Variants in CTNNA2 observed in about 807,000 individuals in gnomAD.
CTNNA2 encodes the protein catenin alpha-2.
Under a neutral mutation model 101.0 loss-of-function variants are expected in CTNNA2, and 42 were observed. That is an observed-to-expected ratio of 0.42 (90% CI 0.32 to 0.54). CTNNA2 has a LOEUF of 0.54. Ranked by LOEUF, CTNNA2 falls within the 20% of genes least tolerant of loss-of-function variation. CTNNA2 has a pLI of 0.14. For missense variants in CTNNA2, 871 were observed against 1,223.1 expected (o/e 0.71, Z 4.29); for synonymous variants, 450 against 456.4 (o/e 0.99, Z 0.18).
At chr2:79,789,453 G>A (rs576109223) in intron 3 of CTNNA2, among the ~76,000 whole-genome samples, 7 of 152,178 alleles carry the variant, frequency 4.6e-5, no homozygotes, top group African/African-American at 1.7e-4. Flanking sequence ...TATTTTGTAT[G>A]ATATGGCTTA....
chr2:79,914,229 A>T (rs1686027129), intron 7 of CTNNA2, among the ~76,000 whole-genome samples: 1 of 151,866 alleles, frequency 6.6e-6, no homozygotes, highest in Non-Finnish European at 1.5e-5. Context: ...ACTCTGCTAG[A>T]CAGATTGCAT....
At chr2:79,703,091 A>G (rs1029258765) in intron 2 of CTNNA2, among the ~76,000 whole-genome samples, 1 of 152,246 alleles carries the variant, frequency 6.6e-6, no homozygotes, top group African/African-American at 2.4e-5. Flanking sequence ...TCTGAAACAC[A>G]GAAGAGAAAT....
At chr2:79,885,480 A>G (rs1243828593) in intron 6 of CTNNA2, among the ~76,000 whole-genome samples, 1 of 152,220 alleles carries the variant, frequency 6.6e-6, no homozygotes, top group Non-Finnish European at 1.5e-5. Flanking sequence ...ACATCAGGGA[A>G]GGATAAGTGT....
chr2:79,281,164 G>A (rs1675370033), intron 2 of CTNNA2, among the ~76,000 whole-genome samples: 1 of 152,048 alleles, frequency 6.6e-6, no homozygotes, highest in Non-Finnish European at 1.5e-5. Flanking sequence ...ATGATCATAG[G>A]CAGTCTTGGT....
chr2:80,648,677 CG>C lies in CTNNA2; in HGVS notation c.*806del, dbSNP rs1558680628. ...ATATTAGAGGGAAGGAAACTGACAA[CG>C]TGTGAAAGTTAGAGGCAAATACATA... On this transcript the variant is annotated 3_prime_UTR_variant, in exon 19 of 19. Coordinates refer to ENST00000402739, the MANE Select transcript of CTNNA2 (RefSeq NM_001282597.3). The C allele has an allele frequency of 2.0e-5, 3 of 151,962 alleles. No homozygotes were observed. The highest frequency in any genetic ancestry group is 4.4e-5 in the Non-Finnish European group (3 of 67,978). 9.4% of individuals were successfully genotyped at this position (151,962 alleles called of 1,614,324 possible).
chr2:80,590,792 C>A (rs777341815), intron 15 of CTNNA2, among the ~76,000 whole-genome samples: 8 of 152,002 alleles, frequency 5.3e-5, no homozygotes, highest in Non-Finnish European at 1.0e-4. Context: ...ATTAGAAGTT[C>A]ATATTTGTAC....
intron 7 of CTNNA2, among the ~76,000 whole-genome samples, chr2:80,012,863 C>G (rs1438779759): frequency 1.3e-5 from 2 of 152,156 alleles, no homozygotes; most frequent in African/African-American, 4.8e-5. Context: ...CCATGCTCTT[C>G]TAAAATTTAA....
chr2:79,264,393 T>C (rs1447360095), intron 2 of CTNNA2, among the ~76,000 whole-genome samples: 1 of 147,938 alleles, frequency 6.8e-6, no homozygotes, highest in Non-Finnish European at 1.5e-5. Context: ...GTTTTAAGGG[T>C]ATTATTGTTT....
intron 7 of CTNNA2, among the ~76,000 whole-genome samples, chr2:80,207,513 A>G (rs1428534990): frequency 6.6e-6 from 1 of 152,186 alleles, no homozygotes; most frequent in Admixed American, 6.6e-5. Flanking sequence ...GAGTGTCTGA[A>G]CTAGGGCTTA....
chr2:80,596,325 T>TTTTTTTTTG (rs1696971584), intron 15 of CTNNA2, among the ~76,000 whole-genome samples: 1 of 109,346 alleles, frequency 9.1e-6, no homozygotes, highest in South Asian at 3.2e-4. Context: ...TTTTTTTTTT[T>TTTTTTTTTG]TTGAGACGGA....
intron 1 of CTNNA2, among the ~76,000 whole-genome samples, chr2:79,647,746 A>C (rs1680922390): frequency 6.6e-6 from 1 of 152,206 alleles, no homozygotes. Flanking sequence ...GTTAATGGCA[A>C]AATCTCAGTG....
intron 11 of CTNNA2, among the ~76,000 whole-genome samples, chr2:80,548,279 C>T (rs573431113): frequency 6.6e-6 from 1 of 152,254 alleles, no homozygotes; most frequent in African/African-American, 2.4e-5. Flanking sequence ...TTCTGCATCC[C>T]CTTCTACCTT....
intron 2 of CTNNA2, among the ~76,000 whole-genome samples, chr2:79,227,678 T>C (rs1674437610): frequency 6.6e-6 from 1 of 152,182 alleles, no homozygotes; most frequent in South Asian, 2.1e-4. Flanking sequence ...TCTAAAATAA[T>C]ACATATTTTA....
At chr2:79,343,092 T>C (rs76063800) in intron 3 of CTNNA2, among the ~76,000 whole-genome samples, 15,510 of 152,244 alleles carry the variant, frequency 0.1, 1,065 homozygotes, top group East Asian at 0.38. Context: ...TACAAGGTTA[T>C]TCATTATAGA....
chr2:80,015,623 C>T (rs1006382293), intron 7 of CTNNA2, among the ~76,000 whole-genome samples: 7 of 152,156 alleles, frequency 4.6e-5, no homozygotes, highest in Middle Eastern at 3.2e-3. Flanking sequence ...TAGCTCTCCC[C>T]CTCCACCGGC....
At chr2:80,604,338 A>G (rs1421147286) in intron 16 of CTNNA2, among the ~76,000 whole-genome samples, 159 bp downstream of exon 16, 1 of 151,974 alleles carries the variant, frequency 6.6e-6, no homozygotes, top group Non-Finnish European at 1.5e-5. Context: ...CTCTCCTGAC[A>G]CTGTGCTAGT....
chr2:79,483,546 C>A (rs60619539), intron 4 of CTNNA2, among the ~76,000 whole-genome samples: 1 of 151,692 alleles, frequency 6.6e-6, no homozygotes, highest in African/African-American at 2.4e-5. Flanking sequence ...GCTGGTGGAC[C>A]GAGGGCCTCA....
intron 3 of CTNNA2, among the ~76,000 whole-genome samples, chr2:79,351,514 G>C (rs1204889411): frequency 1.3e-5 from 2 of 152,078 alleles, no homozygotes; most frequent in Non-Finnish European, 2.9e-5. Context: ...GAGATTAGGA[G>C]TACAAATGAA....
intron 7 of CTNNA2, among the ~76,000 whole-genome samples, chr2:79,959,406 C>G (rs143413429): frequency 1.2e-4 from 19 of 152,288 alleles, no homozygotes; most frequent in African/African-American, 4.3e-4. Flanking sequence ...TTACTTATGA[C>G]CATTCTGTAG....
Sources: gnomAD v4.1 joint callset for allele counts (sites outside exome capture counted in the v4.1 genomes callset) on GRCh38, gnomAD v4.1.1 for gene constraint, MANE v1.5 for transcripts, NCBI Gene and HGNC (gene_info 2026-07-23, HGNC 2026-07-21) for gene names.